Variants in OR2T27 observed in about 807,000 individuals in gnomAD.
OR2T27 encodes the protein olfactory receptor 2T27.
For missense variants in OR2T27, 152 were observed against 397.2 expected (o/e 0.38, Z 5.25); for synonymous variants, 51 against 152.9 (o/e 0.33, Z 4.92).
chr1:248,650,097 T>A lies in OR2T27; in HGVS notation c.788A>T (p.His263Leu). ...GAAMYTYVLP[H>L]SYHTPEQDKA... ...GTCCTGCTCAGGGGTGTGGTAAGAATGAGGCAGCACGTATGTGTACATGGC... is the reference window on the plus strand; with the variant it reads ...GTCCTGCTCAGGGGTGTGGTAAGAAAGAGGCAGCACGTATGTGTACATGGC... Residue 263 changes from histidine to leucine, a missense_variant, in exon 2 of 2, where the codon CAT becomes CTT. His to Leu is a moderately conservative substitution (Grantham distance 99). Coordinates refer to ENST00000460972, the MANE Select transcript of OR2T27 (RefSeq NM_001001824.2). 2 of 1,572,868 alleles carry A rather than the reference T, an allele frequency of 1.3e-6. No homozygotes were observed. The highest frequency in any genetic ancestry group is 1.7e-6 in the Non-Finnish European group (2 of 1,152,964).
intron 1 of OR2T27, 60 bp downstream of exon 1, chr1:248,655,380 CTAGG>C (rs1260250014): frequency 9.1e-6 from 1 of 109,534 alleles, no homozygotes; most frequent in Non-Finnish European, 2.1e-5. Flanking sequence ...CCAAAACTTT[CTAGG>C]AAGTCCAGAA....
chr1:248,653,894 T>C (rs1180710074), intron 1 of OR2T27, among the ~76,000 whole-genome samples: 2 of 59,694 alleles, frequency 3.4e-5, no homozygotes, highest in Admixed American at 5.2e-4. Context: ...GTAACTTTGA[T>C]GTTTAGGCCA....
rs375578048 is a variant in OR2T27 at position 248,649,890 on chromosome 1, G to T, written c.*41C>A. ...AATTCAAGGGCAATGATAAAGTCTT[G>T]TATCCTTCATTTCAAGTCTCTAGCA... On this transcript the variant is annotated 3_prime_UTR_variant, in exon 2 of 2. Transcript: ENST00000460972. 1.5e-6 allele frequency: 2 copies of T among 1,348,078 alleles called. No homozygotes were observed. The highest frequency in any genetic ancestry group is 2.4e-5 in the South Asian group (2 of 83,362). 83.5% of individuals were successfully genotyped at this position (1,348,078 alleles called of 1,614,324 possible).
chr1:248,649,841 T>G lies in OR2T27; in HGVS notation c.*90A>C, dbSNP rs537159879. The G allele has an allele frequency of 7.6e-6, 7 of 926,258 alleles. No homozygotes were observed. The highest frequency in any genetic ancestry group is 1.2e-5 in the Non-Finnish European group (7 of 585,954). The allele number at this position is 926,258 out of a possible 1,614,324, so 57.4% of individuals were successfully genotyped here. ...CCACAGTTGGTGGCATGTGGGTCAC[T>G]TGTTTCCAGGCAGAGAATATTTAAA... On this transcript the variant is annotated 3_prime_UTR_variant, in exon 2 of 2. Coordinates refer to ENST00000460972, the MANE Select transcript of OR2T27 (RefSeq NM_001001824.2).
intron 1 of OR2T27, among the ~76,000 whole-genome samples, chr1:248,653,179 T>G (rs146206639): frequency 0.016 from 2,241 of 143,002 alleles, 28 homozygotes; most frequent in Admixed American, 0.021. Flanking sequence ...AACTTGCTAA[T>G]GAGACCCTGG....
intron 1 of OR2T27, among the ~76,000 whole-genome samples, chr1:248,652,003 A>AT (rs1398674910): frequency 4.3e-5 from 6 of 139,600 alleles, no homozygotes; most frequent in South Asian, 4.2e-4. Context: ...TATTTTTTAC[A>AT]TTTTTAATGT....
chr1:248,653,865 G>A lies in OR2T27; in HGVS notation c.-5+1579C>T, dbSNP rs1428035301. 1.5e-5 allele frequency among the ~76,000 whole-genome samples: 2 copies of A among 134,722 alleles called. 1 individual carries two copies. Among genetic ancestry groups the A allele is most frequent in the East Asian group, 4.6e-4 (2 of 4,366 alleles). 88.4% of individuals were successfully genotyped at this position (134,722 alleles called of 152,430 possible). On this transcript the variant is annotated intron_variant, in intron 1 of 1. Transcript: ENST00000460972. ...ATTTAGTGCAGCTATTTTGCCCCCC[G>A]AGTTACATACATGTAATTGTAACTT...
intron 1 of OR2T27, among the ~76,000 whole-genome samples, chr1:248,653,097 A>G (rs1388055143): frequency 8.3e-6 from 1 of 119,996 alleles, no homozygotes; most frequent in Non-Finnish European, 1.9e-5. Flanking sequence ...CAAGATGAAA[A>G]AATTGGTCCA....
chr1:248,652,246 T>TA (rs1483105830), intron 1 of OR2T27, among the ~76,000 whole-genome samples: 69 of 151,518 alleles, frequency 4.6e-4, no homozygotes, highest in African/African-American at 1.6e-3. Context: ...GTAAGAACAT[T>TA]AATAAGTGAT....
chr1:248,650,936 T>TACC, intron 1 of OR2T27, 48 bp from the exon 2 acceptor site: 2 of 873,716 alleles, frequency 2.3e-6, no homozygotes, highest in Non-Finnish European at 3.3e-6. Flanking sequence ...AGGTATCTGA[T>TACC]TTACATAAAA....
At position 248,649,966 on chromosome 1, in the gene OR2T27, T is replaced by A. The variant is rs370416028; in HGVS notation, c.919A>T (p.Arg307Trp). Reference protein sequence around the residue: ...VTGALQKVVGRCVSSGKVTTF With the variant: ...VTGALQKVVGWCVSSGKVTTF ...GTTACCTTTCCTGAGGACACACACC[T>A]CCCCACAACCTTCTGTAGGGCCCCT... is the stretch of plus-strand genomic sequence containing the variant. Residue 307 changes from arginine to tryptophan, a missense_variant, in exon 2 of 2, where the codon AGG (arginine) becomes TGG (tryptophan). Physicochemically the swap from Arg to Trp is moderately radical, Grantham distance 101. Coordinates refer to ENST00000460972, the MANE Select transcript of OR2T27 (RefSeq NM_001001824.2). The A allele has an allele frequency of 4.4e-6, 7 of 1,578,902 alleles. 1 individual carries two copies. Among genetic ancestry groups the A allele is most frequent in the African/African-American group, 4.2e-5 (3 of 72,006 alleles).
intron 1 of OR2T27, among the ~76,000 whole-genome samples, chr1:248,653,778 T>C (rs1661071441): frequency 2.9e-5 from 1 of 34,134 alleles, no homozygotes. Flanking sequence ...CTTTTCTATA[T>C]ATAGGTGATT....
chr1:248,652,515 C>T (rs1661043552), intron 1 of OR2T27, among the ~76,000 whole-genome samples: 1 of 40,318 alleles, frequency 2.5e-5, no homozygotes, highest in East Asian at 1.5e-3. Context: ...TGTCTTCGAG[C>T]CTAGAATTGA....
intron 1 of OR2T27, among the ~76,000 whole-genome samples, chr1:248,652,928 G>A (rs535023103): frequency 1.9e-4 from 28 of 143,658 alleles, no homozygotes; most frequent in African/African-American, 6.9e-4. Context: ...ATGATGGAGA[G>A]TGCTGAATGC....
intron 1 of OR2T27, among the ~76,000 whole-genome samples, 186 bp from the exon 2 acceptor site, chr1:248,651,074 G>C (rs201058673): frequency 0.09 from 3,746 of 41,790 alleles, 9 homozygotes; most frequent in East Asian, 0.29. Context: ...GTTCATTTAA[G>C]GATTTTCTTG....
In OR2T27 at chr1:248,650,511, G is replaced by GA; in HGVS notation, c.373_374insT (p.Ala125ValfsTer103). 1 of 1,469,538 alleles carries GA rather than the reference G, an allele frequency of 6.8e-7. No homozygotes were observed. The highest frequency in any genetic ancestry group is 1.4e-5 in the African/African-American group (1 of 72,502). The allele number at this position is 1,469,538 out of a possible 1,614,324, so 91.0% of individuals were successfully genotyped here. ...AGGATAGTGCAGAGGGTTGCAGATG[G>GA]CTACGTAGCGATCATAGGACATGAG... is the stretch of plus-strand genomic sequence containing the variant. On this transcript the variant is annotated frameshift_variant, in exon 2 of 2. Coordinates refer to ENST00000460972, the MANE Select transcript of OR2T27 (RefSeq NM_001001824.2). LOFTEE classifies it low-confidence loss of function (END_TRUNC).
chr1:248,651,989 C>A (rs1487241934), intron 1 of OR2T27, among the ~76,000 whole-genome samples: 9 of 151,298 alleles, frequency 5.9e-5, no homozygotes, highest in Admixed American at 2.0e-4. Flanking sequence ...AAATTAGTTT[C>A]ACCTATTTTT....
chr1:248,650,919 G>C (rs1661006894), intron 1 of OR2T27, 31 bp from the exon 2 acceptor site: 1 of 1,228,460 alleles, frequency 8.1e-7, no homozygotes, highest in Non-Finnish European at 1.1e-6. Context: ...ATATGACAAA[G>C]TTGGAAAGGT....
chr1:248,652,037 T>G (rs1295382146), intron 1 of OR2T27, among the ~76,000 whole-genome samples: 1 of 136,940 alleles, frequency 7.3e-6, no homozygotes, highest in Non-Finnish European at 1.5e-5. Context: ...TTTAGAATTC[T>G]CTGTGGCTCC....
Sources: gnomAD v4.1 joint callset for allele counts (sites outside exome capture counted in the v4.1 genomes callset) on GRCh38, gnomAD v4.1.1 for gene constraint, MANE v1.5 for transcripts, NCBI Gene and HGNC (gene_info 2026-07-23, HGNC 2026-07-21) for gene names.